Variants in PGBD2 observed in about 807,000 individuals in gnomAD.
PGBD2 encodes piggyBac transposable element-derived protein 2.
A neutral mutation model predicts 8.1 loss-of-function variants in PGBD2; 6 were observed. The ratio of observed to expected loss-of-function variants is 0.74; its 90% confidence interval spans 0.40 to 1.46. The LOEUF is 1.46. PGBD2 is among the 40% of genes most tolerant of loss of function. PGBD2 has a pLI of 0.02. For missense variants in PGBD2, 802 were observed against 739.0 expected, an observed-to-expected ratio of 1.09 and a Z score of -0.99; for synonymous variants, 318 against 272.2, an observed-to-expected ratio of 1.17 and a Z score of -1.66.
the PGBD2 span, among the ~76,000 whole-genome samples, chr1:248,892,209 A>G: frequency 7.4e-4 from 111 of 150,438 alleles, no homozygotes; most frequent in Non-Finnish European, 4.1e-4. Flanking sequence ...TAGTTACAAC[A>G]ATCTGAGTAG....
the PGBD2 span, among the ~76,000 whole-genome samples, chr1:248,887,775 AACCAC>A: frequency 1.3e-5 from 2 of 152,110 alleles, no homozygotes; most frequent in South Asian, 4.1e-4. Flanking sequence ...CAATGGCAAA[AACCAC>A]AAACACTTTT....
At chr1:248,882,346 C>T in the PGBD2 span, among the ~76,000 whole-genome samples, 9 of 152,216 alleles carry the variant, frequency 5.9e-5, no homozygotes, top group African/African-American at 1.9e-4. Flanking sequence ...TGCAGAAGTA[C>T]AGTATACAGA....
At chr1:248,900,503 T>C in the PGBD2 span, among the ~76,000 whole-genome samples, 1 of 152,202 alleles carries the variant, frequency 6.6e-6, no homozygotes, top group African/African-American at 2.4e-5. Flanking sequence ...CACATGGTTG[T>C]CGCAATAGAA....
intron 1 of PGBD2, among the ~76,000 whole-genome samples, 198 bp from the exon 2 acceptor site, chr1:248,913,618 A>T (rs1661988253): frequency 6.6e-6 from 1 of 152,136 alleles, no homozygotes; most frequent in South Asian, 2.1e-4. Flanking sequence ...AATATCATCT[A>T]CTTTAGAATG....
chr1:248,911,504 C>T (rs1661873797), intron 1 of PGBD2, among the ~76,000 whole-genome samples: 1 of 146,380 alleles, frequency 6.8e-6, no homozygotes, highest in Non-Finnish European at 1.5e-5. Flanking sequence ...CGAAAAGTCT[C>T]CCATGTCTAC....
chr1:248,928,118 T>C, the PGBD2 span, among the ~76,000 whole-genome samples: 1 of 152,214 alleles, frequency 6.6e-6, no homozygotes, highest in Non-Finnish European at 1.5e-5. Context: ...TTTCCCTGCT[T>C]TTTTGTCCCA....
chr1:248,894,020 A>C, the PGBD2 span, among the ~76,000 whole-genome samples: 30 of 152,160 alleles, frequency 2.0e-4, no homozygotes, highest in Middle Eastern at 6.8e-3. Context: ...GCATCTTTTT[A>C]TATGTCTGCT....
At chr1:248,895,043 T>C in the PGBD2 span, among the ~76,000 whole-genome samples, 2 of 152,146 alleles carry the variant, frequency 1.3e-5, no homozygotes, top group African/African-American at 2.4e-5. Context: ...AGTCTCAAGC[T>C]ATCCTCCCAA....
the PGBD2 span, among the ~76,000 whole-genome samples, chr1:248,887,521 T>C: frequency 2.0e-4 from 31 of 152,186 alleles, no homozygotes; most frequent in African/African-American, 7.5e-4. Context: ...AGGAGGCATA[T>C]AATACCAATC....
intron 2 of PGBD2, chr1:248,914,406 C>A (rs963519546): frequency 3.0e-5 from 37 of 1,235,002 alleles, no homozygotes; most frequent in Non-Finnish European, 3.6e-5. Flanking sequence ...TTTTCTTTCC[C>A]TTTAAGCCGG....
rs554559507 is a variant in PGBD2, at chr1:248,918,946, T to G, written c.*583T>G. ...GATTCATTTTTGTAAAAAAAATTAT[T>G]TTTTTAATTTTGTGGGTACATAGTA... is the stretch of plus-strand genomic sequence containing the variant. On this transcript the variant is annotated 3_prime_UTR_variant, in exon 3 of 3. Coordinates refer to ENST00000329291, the MANE Select transcript of PGBD2 (RefSeq NM_170725.3). 7.1e-4 allele frequency: 119 copies of G among 167,198 alleles called. 1 individual carries two copies. Among genetic ancestry groups the G allele is most frequent in the African/African-American group, 2.8e-3 (118 of 41,572 alleles). 10.4% of individuals were successfully genotyped at this position (167,198 alleles called of 1,614,324 possible).
At chr1:248,902,265 T>A (rs1661547761), upstream of PGBD2, among the ~76,000 whole-genome samples, 1 of 145,818 alleles carries the variant, frequency 6.9e-6, no homozygotes, top group Non-Finnish European at 1.5e-5. Flanking sequence ...CAAGACTCCA[T>A]CTCAAAAAAA....
the PGBD2 span, among the ~76,000 whole-genome samples, chr1:248,879,522 G>A: frequency 6.6e-6 from 1 of 152,152 alleles, no homozygotes; most frequent in Non-Finnish European, 1.5e-5. Context: ...AGCCTTCCAA[G>A]TAGCTAGGAC....
At chr1:248,884,484 T>C in the PGBD2 span, among the ~76,000 whole-genome samples, 1 of 152,120 alleles carries the variant, frequency 6.6e-6, no homozygotes, top group African/African-American at 2.4e-5. Flanking sequence ...GTAGCTGGGA[T>C]TACAGGCACA....
the PGBD2 span, among the ~76,000 whole-genome samples, chr1:248,925,028 C>A: frequency 1.3e-5 from 2 of 150,424 alleles, no homozygotes. Flanking sequence ...TTTTCTTTTT[C>A]AAATGGGCTG....
intron 1 of PGBD2, among the ~76,000 whole-genome samples, chr1:248,913,603 C>T (rs1661987685): frequency 6.6e-6 from 1 of 152,138 alleles, no homozygotes; most frequent in African/African-American, 2.4e-5. Context: ...ACTCATCTAG[C>T]CCCAAATATC....
the PGBD2 span, among the ~76,000 whole-genome samples, chr1:248,898,582 C>G: frequency 9.2e-5 from 14 of 152,190 alleles, no homozygotes; most frequent in Non-Finnish European, 4.4e-5. Flanking sequence ...ACCACCAGGC[C>G]TGCCTGGCAG....
At chr1:248,902,646 A>G (rs1558281862), upstream of PGBD2, among the ~76,000 whole-genome samples, 1 of 152,238 alleles carries the variant, frequency 6.6e-6, no homozygotes, top group Admixed American at 6.5e-5. Context: ...TACATATACA[A>G]CATGGAATAC....
the PGBD2 span, among the ~76,000 whole-genome samples, chr1:248,878,045 T>A: frequency 1.3e-5 from 2 of 152,240 alleles, no homozygotes; most frequent in Non-Finnish European, 2.9e-5. Flanking sequence ...GGGGTAATTG[T>A]AACTTTCCTC....
Sources: gnomAD v4.1 joint callset for allele counts (sites outside exome capture counted in the v4.1 genomes callset) on GRCh38, gnomAD v4.1.1 for gene constraint, MANE v1.5 for transcripts, NCBI Gene and HGNC (gene_info 2026-07-23, HGNC 2026-07-21) for gene names.